The following RBM27 variants were observed in gnomAD, a reference collection of about 807,000 sequenced individuals.
The protein encoded by RBM27 is RNA-binding protein 27.
A neutral mutation model predicts 135.3 loss-of-function variants in RBM27; 22 were observed. The ratio of observed to expected loss-of-function variants is 0.16; its 90% CI spans 0.12 to 0.23. The LOEUF is 0.23. Among genes scored for constraint, RBM27 ranks in the 10% least tolerant of loss-of-function variants. The probability of loss-of-function intolerance (pLI) is 1.00; values close to 1 mark genes in which losing one functional copy is unlikely to be tolerated. For missense variants in RBM27, 1,009 were observed against 1,281.0 expected, an observed-to-expected ratio of 0.79 and a Z score of 3.24; for synonymous variants, 481 against 442.4, an observed-to-expected ratio of 1.09 and a Z score of -1.10.
intron 19 of RBM27, among the ~76,000 whole-genome samples, chr5:146,275,922 G>C (rs1480303107): frequency 2.0e-5 from 3 of 152,112 alleles, no homozygotes; most frequent in Admixed American, 2.0e-4. Context: ...TAGGTTTTAG[G>C]ATTGATCAAT....
chr5:146,273,004 T>C (rs1003029754), intron 19 of RBM27, among the ~76,000 whole-genome samples: 1 of 152,216 alleles, frequency 6.6e-6, no homozygotes, highest in South Asian at 2.1e-4. Context: ...AGGAACACTA[T>C]ACAAGTGCAG....
At chr5:146,262,323 A>G (rs1758434684) in intron 13 of RBM27, among the ~76,000 whole-genome samples, 1 of 152,116 alleles carries the variant, frequency 6.6e-6, no homozygotes, top group Non-Finnish European at 1.5e-5. Context: ...GTGTCTACCC[A>G]TTTGCCCTCC....
At chr5:146,206,800 C>T (rs532173384) in intron 1 of RBM27, among the ~76,000 whole-genome samples, 1 of 152,098 alleles carries the variant, frequency 6.6e-6, no homozygotes, top group Middle Eastern at 3.4e-3. Flanking sequence ...CCAGGTTGGT[C>T]TCCAGTTCTT....
chr5:146,272,841 G>C lies in RBM27; in HGVS notation c.2988+1167G>C, dbSNP rs553624866. On this transcript the variant is annotated intron_variant, in intron 19 of 20. Transcript: ENST00000265271. ...CTGTTTCACCCTGATTCTTGGGGAA[G>C]ATAGGCCAAGAAAAGTGTCCAGATT... 7.2e-5 allele frequency among the ~76,000 whole-genome samples: 11 copies of C among 152,302 alleles called. No individual in the cohort carries two copies. The East Asian group carries it at 1.9e-3, about 27-fold the overall frequency.
intron 2 of RBM27, among the ~76,000 whole-genome samples, chr5:146,222,407 G>GCAC (rs1361342044): frequency 6.6e-6 from 1 of 152,242 alleles, no homozygotes; most frequent in African/African-American, 2.4e-5. Context: ...ACATAGGCTG[G>GCAC]ATGTGGTGGC....
chr5:146,256,389 A>AC (rs1758104686), intron 10 of RBM27, among the ~76,000 whole-genome samples: 1 of 148,278 alleles, frequency 6.7e-6, no homozygotes, highest in African/African-American at 2.5e-5. Context: ...TCCTTCTGTC[A>AC]CCTATGCTGG....
At chr5:146,252,048 A>G (rs1285738556) in intron 9 of RBM27, among the ~76,000 whole-genome samples, 173 bp downstream of exon 9, 1 of 152,138 alleles carries the variant, frequency 6.6e-6, no homozygotes, top group African/African-American at 2.4e-5. Flanking sequence ...TGGCTGCTAG[A>G]TGATTAGGCC....
chr5:146,205,932 T>C (rs1755626077), intron 1 of RBM27, among the ~76,000 whole-genome samples: 1 of 152,068 alleles, frequency 6.6e-6, no homozygotes, highest in Non-Finnish European at 1.5e-5. Flanking sequence ...GGCAGAAGAA[T>C]CGCTTGAATC....
At chr5:146,259,631 CTTT>C (rs1304956573) in intron 11 of RBM27, among the ~76,000 whole-genome samples, 1 of 151,682 alleles carries the variant, frequency 6.6e-6, no homozygotes, top group Admixed American at 6.6e-5. Context: ...TTAGTTGGGC[CTTT>C]TCTTTTTGTA....
At chr5:146,283,108 T>C (rs1759432412) in intron 19 of RBM27, among the ~76,000 whole-genome samples, 1 of 152,218 alleles carries the variant, frequency 6.6e-6, no homozygotes, top group South Asian at 2.1e-4. Flanking sequence ...AAAAGTAATA[T>C]GTTTTTATTT....
intron 8 of RBM27, among the ~76,000 whole-genome samples, chr5:146,250,959 T>G (rs965669780): frequency 3.3e-5 from 5 of 151,918 alleles, no homozygotes; most frequent in African/African-American, 1.2e-4. Context: ...GTATTTTTAG[T>G]AGAGACGGGG....
At position 146,229,796 on chromosome 5, in the gene RBM27, A is replaced by C. The variant is rs998908255; in HGVS notation, c.475A>C (p.Lys159Gln). 1 of 1,613,926 alleles carries C rather than the reference A, an allele frequency of 6.2e-7. No homozygotes were observed. The highest frequency in any genetic ancestry group is 8.5e-7 in the Non-Finnish European group (1 of 1,179,938). The change falls in exon 5 of 21, where the codon AAG becomes CAG. Residue 159 changes from lysine to glutamine, a missense_variant. Physicochemically the swap from Lys to Gln is moderately conservative, Grantham distance 53. Around this residue, in one of 6 missense-constraint regions of RBM27, gnomAD observed 268 missense variants for 326.6 expected, o/e 0.82. Coordinates refer to ENST00000265271, the MANE Select transcript of RBM27 (RefSeq NM_018989.2). ...YYERNELYREKYDWRRGRSKS... is the reference protein window; with the variant it reads ...YYERNELYREQYDWRRGRSKS... ...TGAGCGGAATGAATTGTACCGTGAG[A>C]AGTATGACTGGAGAAGAGGCAGGAG...
intron 1 of RBM27, among the ~76,000 whole-genome samples, chr5:146,213,269 A>ATT (rs1286774799): frequency 5.3e-5 from 8 of 152,032 alleles, no homozygotes; most frequent in African/African-American, 1.9e-4. Flanking sequence ...TGCCCAGCTA[A>ATT]TTTTGTATTT....
At chr5:146,231,178 G>A (rs1278678296) in intron 6 of RBM27, among the ~76,000 whole-genome samples, 1 of 151,900 alleles carries the variant, frequency 6.6e-6, no homozygotes, top group East Asian at 1.9e-4. Context: ...CCAACTCATG[G>A]GGAATGTTGT....
chr5:146,248,238 T>G (rs1055664419), intron 8 of RBM27, among the ~76,000 whole-genome samples: 18 of 151,222 alleles, frequency 1.2e-4, no homozygotes, highest in Non-Finnish European at 2.1e-4. Flanking sequence ...CTGCTAGTTT[T>G]TTTTTTTTTT....
At chr5:146,223,039 CATACTGTT>C (rs1392214290) in intron 2 of RBM27, among the ~76,000 whole-genome samples, 1 of 152,016 alleles carries the variant, frequency 6.6e-6, no homozygotes, top group Non-Finnish European at 1.5e-5. Flanking sequence ...CATATAAATA[CATACTGTT>C]ATATCTTTGA....
At chr5:146,276,516 A>G (rs906231413) in intron 19 of RBM27, among the ~76,000 whole-genome samples, 2 of 152,206 alleles carry the variant, frequency 1.3e-5, no homozygotes, top group Non-Finnish European at 2.9e-5. Flanking sequence ...TGTAATTACC[A>G]AAGACTTCGC....
chr5:146,208,055 C>T (rs1177499038), intron 1 of RBM27, among the ~76,000 whole-genome samples: 1 of 146,516 alleles, frequency 6.8e-6, no homozygotes, highest in Admixed American at 7.1e-5. Flanking sequence ...CTCCCGGGTT[C>T]AAGCAATTCT....
At chr5:146,278,573 GTACTTT>G (rs896529335) in intron 19 of RBM27, among the ~76,000 whole-genome samples, 31 of 152,072 alleles carry the variant, frequency 2.0e-4, no homozygotes, top group South Asian at 4.2e-4. Flanking sequence ...TTTGCCATAT[GTACTTT>G]TACTTTATAT....
Sources: gnomAD v4.1 joint callset for allele counts (sites outside exome capture counted in the v4.1 genomes callset) on GRCh38, gnomAD v4.1.1 for gene constraint, gnomAD v4.1.1 regional missense constraint, MANE v1.5 for transcripts, NCBI Gene and HGNC (gene_info 2026-07-23, HGNC 2026-07-21) for gene names.